Variants in MAGI1 observed in about 807,000 individuals in gnomAD.
MAGI1 encodes the protein membrane-associated guanylate kinase, WW and PDZ domain-containing protein 1.
MAGI1 carries 58 observed loss-of-function variants against 139.9 expected under a neutral mutation model. The ratio of observed to expected loss-of-function variants is 0.41; its 90% CI spans 0.34 to 0.52. MAGI1 has a LOEUF of 0.52. Ranked by LOEUF, MAGI1 falls within the 20% of genes least tolerant of loss-of-function variation. MAGI1 has a pLI of 0.12. For missense variants in MAGI1, 1,874 were observed against 1,901.6 expected, an observed-to-expected ratio of 0.99 and a Z score of 0.27; for synonymous variants, 812 against 737.9, an observed-to-expected ratio of 1.10 and a Z score of -1.63.
At chr3:65,930,141 C>T (rs1374453810) in intron 1 of MAGI1, among the ~76,000 whole-genome samples, 1 of 151,020 alleles carries the variant, frequency 6.6e-6, no homozygotes, top group African/African-American at 2.4e-5. Flanking sequence ...ACGGTGAAAC[C>T]CTGTCTCTAC....
intron 2 of MAGI1, among the ~76,000 whole-genome samples, chr3:65,618,100 C>A (rs1181443939): frequency 6.6e-6 from 1 of 152,142 alleles, no homozygotes; most frequent in Non-Finnish European, 1.5e-5. Context: ...AGACTGTGAA[C>A]TGGTCAGATA....
At chr3:65,466,987 G>A (rs533798102) in intron 5 of MAGI1, among the ~76,000 whole-genome samples, 1 of 152,336 alleles carries the variant, frequency 6.6e-6, no homozygotes, top group East Asian at 1.9e-4. Flanking sequence ...TGGCTAGAGA[G>A]AGCACGCTTT....
At chr3:65,359,522 C>T in intron 22 of MAGI1, 1 of 1,021,568 alleles carries the variant, frequency 9.8e-7, no homozygotes, top group Non-Finnish European at 1.2e-6. Flanking sequence ...CTTCCCACCC[C>T]CACCAAAGAC....
chr3:65,518,379 T>G (rs1298950778), intron 2 of MAGI1, among the ~76,000 whole-genome samples: 2 of 152,188 alleles, frequency 1.3e-5, no homozygotes, highest in Admixed American at 6.5e-5. Flanking sequence ...TCCCACTACA[T>G]CTTCAGTGAC....
intron 1 of MAGI1, among the ~76,000 whole-genome samples, chr3:65,704,178 G>T (rs2089802829): frequency 6.6e-6 from 1 of 152,150 alleles, no homozygotes; most frequent in Non-Finnish European, 1.5e-5. Flanking sequence ...CTGGCTATCT[G>T]TTCTGCCTCA....
At chr3:65,826,683 A>C (rs2042247459) in intron 1 of MAGI1, among the ~76,000 whole-genome samples, 1 of 152,232 alleles carries the variant, frequency 6.6e-6, no homozygotes, top group Non-Finnish European at 1.5e-5. Flanking sequence ...AATTGTCTCT[A>C]ATTACATTAA....
chr3:65,485,779 TAAAG>T (rs1353523879), intron 3 of MAGI1, among the ~76,000 whole-genome samples: 3 of 152,220 alleles, frequency 2.0e-5, no homozygotes, highest in African/African-American at 7.2e-5. Flanking sequence ...CATTTTCACA[TAAAG>T]AAACTGATAT....
At chr3:66,035,681 C>G (rs2068875870) in intron 1 of MAGI1, among the ~76,000 whole-genome samples, 1 of 152,112 alleles carries the variant, frequency 6.6e-6, no homozygotes, top group Non-Finnish European at 1.5e-5. Flanking sequence ...AGTAGATTCA[C>G]GTACATCCAT....
intron 1 of MAGI1, among the ~76,000 whole-genome samples, chr3:65,915,137 A>G (rs561516175): frequency 6.6e-6 from 1 of 152,338 alleles, no homozygotes; most frequent in African/African-American, 2.4e-5. Context: ...ACTGCTAATC[A>G]TATGACCAGT....
intron 1 of MAGI1, among the ~76,000 whole-genome samples, chr3:65,803,441 T>G (rs575768625): frequency 6.6e-6 from 1 of 152,322 alleles, no homozygotes; most frequent in African/African-American, 2.4e-5. Flanking sequence ...AAAGGAAATT[T>G]TAGATGTGAT....
At chr3:65,796,875 A>T (rs7633807) in intron 1 of MAGI1, among the ~76,000 whole-genome samples, 6,375 of 152,318 alleles carry the variant, frequency 0.042, 429 homozygotes, top group African/African-American at 0.15. Context: ...TATTTACAGA[A>T]ACAGGCTGTG....
chr3:65,382,696 G>T (rs1943151315), intron 15 of MAGI1, among the ~76,000 whole-genome samples: 1 of 152,154 alleles, frequency 6.6e-6, no homozygotes, highest in Non-Finnish European at 1.5e-5. Context: ...AGTTTACAAA[G>T]AACTTTGACA....
chr3:65,465,693 T>C (rs1363740499), intron 5 of MAGI1, among the ~76,000 whole-genome samples: 3 of 152,226 alleles, frequency 2.0e-5, no homozygotes, highest in African/African-American at 7.2e-5. Context: ...AATTTGACTA[T>C]GAATGTGTCT....
At chr3:65,696,042 A>G (rs942046156) in intron 1 of MAGI1, among the ~76,000 whole-genome samples, 1 of 152,142 alleles carries the variant, frequency 6.6e-6, no homozygotes, top group Non-Finnish European at 1.5e-5. Flanking sequence ...ATAAAATCCA[A>G]TGGCCAGTCA....
chr3:65,747,495 T>A (rs2107806508), intron 1 of MAGI1, among the ~76,000 whole-genome samples: 1 of 145,046 alleles, frequency 6.9e-6, no homozygotes, highest in African/African-American at 2.4e-5. Context: ...TAATACATAA[T>A]AGGGATATTA....
intron 1 of MAGI1, among the ~76,000 whole-genome samples, chr3:65,700,162 G>C (rs1008486319): frequency 6.6e-6 from 1 of 152,282 alleles, no homozygotes; most frequent in South Asian, 2.1e-4. Context: ...ATCAATAGCA[G>C]GCTGGGCGCG....
chr3:65,879,470 G>A (rs36030977), intron 1 of MAGI1, among the ~76,000 whole-genome samples: 26,331 of 151,954 alleles, frequency 0.17, 2,547 homozygotes, highest in Middle Eastern at 0.28. Context: ...ATTACACTTG[G>A]AATAAATGTT....
chr3:65,360,221 G>A, intron 22 of MAGI1: 1 of 985,334 alleles, frequency 1.0e-6, no homozygotes, highest in Non-Finnish European at 1.2e-6. Flanking sequence ...TCAGAAAAGA[G>A]GGTGATAATA....
At chr3:65,572,611 G>A (rs141715829) in intron 2 of MAGI1, among the ~76,000 whole-genome samples, 1 of 152,228 alleles carries the variant, frequency 6.6e-6, no homozygotes, top group East Asian at 1.9e-4. Context: ...AGTTGAACTA[G>A]AGACCTTGAG....
Sources: gnomAD v4.1 joint callset for allele counts (sites outside exome capture counted in the v4.1 genomes callset) on GRCh38, gnomAD v4.1.1 for gene constraint, MANE v1.5 for transcripts, NCBI Gene and HGNC (gene_info 2026-07-23, HGNC 2026-07-21) for gene names.